ABTB2: variants seen among roughly 807,000 people sequenced by gnomAD.
ABTB2 encodes ankyrin repeat and BTB domain containing 2.
In ABTB2, 56 loss-of-function variants were observed where a neutral mutation model predicts 104.1. The observed-to-expected ratio is 0.54, with a 90% CI of 0.43 to 0.67. The LOEUF (loss-of-function observed/expected upper bound fraction) is 0.67, where lower values mean the gene tolerates loss of function less well. Ranked by LOEUF, ABTB2 falls within the 30% of genes least tolerant of loss-of-function variation. ABTB2 has a pLI of 0.00. For missense variants in ABTB2, 1,279 were observed against 1,407.7 expected (o/e 0.91, Z 1.46); for synonymous variants, 606 against 608.2 (o/e 1.00, Z 0.05).
intron 1 of ABTB2, among the ~76,000 whole-genome samples, chr11:34,277,182 G>C (rs758329018): frequency 6.6e-6 from 1 of 152,174 alleles, no homozygotes; most frequent in East Asian, 1.9e-4. Context: ...GATTACAGGC[G>C]TAAGCCACCG....
Position 34,274,579 on chromosome 11 carries a change from A to ACG in ABTB2, c.884-69891_884-69890dup, listed in dbSNP as rs1554988109. Among the ~76,000 whole-genome samples, 59 of 145,764 alleles carry ACG rather than the reference A, an allele frequency of 4.0e-4. No individual in the cohort carries two copies. In the South Asian group the frequency reaches 4.5e-3, roughly 11 times the overall value. ...GGAATATACACACACACACACACAC[A>ACG]CGCGTGTGTGTGTATGTATATATTT... On this transcript the variant is annotated intron_variant, in intron 1 of 16. Coordinates refer to ENST00000435224, the MANE Select transcript of ABTB2 (RefSeq NM_145804.3).
intron 3 of ABTB2, among the ~76,000 whole-genome samples, chr11:34,178,173 A>C (rs1472308159): frequency 9.1e-6 from 1 of 110,438 alleles, no homozygotes; most frequent in African/African-American, 3.6e-5. Context: ...ACAGAAATCT[A>C]GATTAGCCCT....
intron 1 of ABTB2, among the ~76,000 whole-genome samples, chr11:34,212,854 C>T (rs902941402): frequency 1.3e-5 from 2 of 152,310 alleles, no homozygotes; most frequent in South Asian, 4.1e-4. Flanking sequence ...CAGGAGCTCA[C>T]TGTTAAACAG....
intron 1 of ABTB2, among the ~76,000 whole-genome samples, chr11:34,240,474 C>T (rs1853901707): frequency 1.3e-5 from 2 of 152,240 alleles, no homozygotes; most frequent in Non-Finnish European, 2.9e-5. Flanking sequence ...CCTGTCAGCA[C>T]TGGGAAAGCC....
Position 34,159,406 on chromosome 11 carries a change from G to A in ABTB2, c.2607-20C>T, listed in dbSNP as rs1226380963. ...TTGAACCTGGAGCAAAGGAGACAAA[G>A]CAAGGTGGGTTTTGAACCTTTTACT... On this transcript the variant is annotated intron_variant, in intron 13 of 16. Coordinates refer to ENST00000435224, the MANE Select transcript of ABTB2 (RefSeq NM_145804.3). 1.3e-6 allele frequency: 2 copies of A among 1,586,024 alleles called. No individual in the cohort carries two copies. The highest frequency in any genetic ancestry group is 1.1e-5 in the South Asian group (1 of 90,524).
chr11:34,158,810 A>G (rs774193355), intron 14 of ABTB2, among the ~76,000 whole-genome samples: 11 of 152,190 alleles, frequency 7.2e-5, no homozygotes, highest in Admixed American at 1.3e-4. Flanking sequence ...TGTTTGACCA[A>G]TGTGGCCGGG....
intron 1 of ABTB2, among the ~76,000 whole-genome samples, chr11:34,219,822 T>C (rs1403340728): frequency 2.0e-5 from 3 of 152,180 alleles, no homozygotes; most frequent in Non-Finnish European, 4.4e-5. Flanking sequence ...CACCTATCCA[T>C]GCATTTCTCA....
intron 7 of ABTB2, among the ~76,000 whole-genome samples, chr11:34,166,580 T>C (rs541000417): frequency 6.6e-6 from 1 of 152,332 alleles, no homozygotes; most frequent in African/African-American, 2.4e-5. Context: ...TGCAACCTAG[T>C]GGGGAGCGAG....
chr11:34,160,153 T>C (rs1565127399), intron 12 of ABTB2, 95 bp downstream of exon 12: 2 of 1,346,974 alleles, frequency 1.5e-6, no homozygotes, highest in Non-Finnish European at 1.0e-6. Context: ...CCTTGGCGCT[T>C]GGAAATGGAG....
At chr11:34,161,780 C>T (rs1026783044) in intron 10 of ABTB2, among the ~76,000 whole-genome samples, 1 of 152,214 alleles carries the variant, frequency 6.6e-6, no homozygotes, top group Admixed American at 6.5e-5. Context: ...CCCAACCTCA[C>T]TGTGGATCAA....
At chr11:34,155,065 C>T (rs1177112355) in intron 14 of ABTB2, among the ~76,000 whole-genome samples, 6 of 152,246 alleles carry the variant, frequency 3.9e-5, no homozygotes, top group Admixed American at 3.9e-4. Context: ...TTCCTATTCA[C>T]AGCTGGGGAA....
chr11:34,163,270 T>C (rs923783498), intron 9 of ABTB2, among the ~76,000 whole-genome samples: 3 of 152,162 alleles, frequency 2.0e-5, no homozygotes, highest in African/African-American at 7.2e-5. Context: ...CGTGAAAGTG[T>C]CTAAAACACA....
chr11:34,274,077 G>A (rs971327844), intron 1 of ABTB2, among the ~76,000 whole-genome samples: 8 of 147,618 alleles, frequency 5.4e-5, no homozygotes, highest in African/African-American at 2.0e-4. Context: ...GCGTGAACCC[G>A]GGAAGCGGAG....
intron 3 of ABTB2, among the ~76,000 whole-genome samples, chr11:34,195,928 G>A (rs907173802): frequency 2.0e-5 from 3 of 152,204 alleles, no homozygotes; most frequent in Non-Finnish European, 4.4e-5. Context: ...GGACTGCAGA[G>A]CCCCTGGGAC....
intron 1 of ABTB2, among the ~76,000 whole-genome samples, chr11:34,300,338 T>C (rs976154050): frequency 6.6e-6 from 1 of 152,164 alleles, no homozygotes; most frequent in East Asian, 1.9e-4. Flanking sequence ...CGTTTCACAT[T>C]TTAGAATTCA....
intron 1 of ABTB2, among the ~76,000 whole-genome samples, chr11:34,222,317 G>A (rs1853634713): frequency 1.3e-5 from 2 of 152,216 alleles, no homozygotes; most frequent in South Asian, 4.1e-4. Context: ...TAAGGTCTGT[G>A]TGGATATTAA....
At chr11:34,177,246 G>T (rs1171185612) in intron 3 of ABTB2, among the ~76,000 whole-genome samples, 1 of 152,274 alleles carries the variant, frequency 6.6e-6, no homozygotes, top group South Asian at 2.1e-4. Flanking sequence ...TGGCATCTTG[G>T]TTCATCCCCC....
At chr11:34,350,228 G>A (rs1855381357) in intron 1 of ABTB2, among the ~76,000 whole-genome samples, 1 of 151,868 alleles carries the variant, frequency 6.6e-6, no homozygotes. Context: ...CACCATGGGG[G>A]ACTCGGAGGA....
At position 34,152,437 on chromosome 11, in the gene ABTB2, T is replaced by TCTGCAGGTC. The variant is rs1852556719; in HGVS notation, c.3019_3027dup (p.Asp1007_Gln1009dup). The TCTGCAGGTC allele has an allele frequency of 1.9e-6, 3 of 1,596,276 alleles. No individual in the cohort carries two copies. Among genetic ancestry groups the TCTGCAGGTC allele is most frequent in the African/African-American group, 1.3e-5 (1 of 74,890 alleles). Reference sequence around the variant, plus strand: ...GAGTGCACGCGCTCTGCCAGGGTGTTCTGCAGGTCCTGCAGTGGATCCAGG... The same window carrying TCTGCAGGTC: ...GAGTGCACGCGCTCTGCCAGGGTGTTCTGCAGGTCCTGCAGGTCCTGCAGTGGATCCAGG... On this transcript the variant is annotated inframe_insertion, in exon 17 of 17. Coordinates refer to ENST00000435224, the MANE Select transcript of ABTB2 (RefSeq NM_145804.3).
Sources: allele counts gnomAD v4.1 joint callset (sites outside exome capture counted in the v4.1 genomes callset), GRCh38; gene constraint gnomAD v4.1.1; transcripts MANE v1.5; gene names NCBI Gene and HGNC (gene_info 2026-07-23, HGNC 2026-07-21).